Variants in CNTNAP5 observed in about 807,000 individuals in gnomAD.
The protein encoded by CNTNAP5 is contactin associated protein family member 5.
CNTNAP5 carries 72 observed loss-of-function variants against 150.2 expected under a neutral mutation model. The observed-to-expected ratio is 0.48, with a 90% CI of 0.40 to 0.58. The LOEUF (loss-of-function observed/expected upper bound fraction) is 0.58. Ranked by LOEUF, CNTNAP5 falls within the 20% of genes least tolerant of loss-of-function variation. The pLI is 0.00. For missense variants in CNTNAP5, 1,636 were observed against 1,626.2 expected, an observed-to-expected ratio of 1.01 and a Z score of -0.10; for synonymous variants, 672 against 619.8, an observed-to-expected ratio of 1.08 and a Z score of -1.25.
chr2:124,320,057 C>T (rs1436154118), intron 3 of CNTNAP5, among the ~76,000 whole-genome samples: 1 of 152,168 alleles, frequency 6.6e-6, no homozygotes, highest in African/African-American at 2.4e-5. Flanking sequence ...ATGTTACAGT[C>T]TTTTTAGCCA....
chr2:124,190,215 G>T (rs1685427239), intron 1 of CNTNAP5, among the ~76,000 whole-genome samples: 1 of 152,016 alleles, frequency 6.6e-6, no homozygotes, highest in South Asian at 2.1e-4. Context: ...TGCTTTGGTG[G>T]TCTGAATAGG....
intron 13 of CNTNAP5, among the ~76,000 whole-genome samples, chr2:124,704,080 A>G (rs2105093185): frequency 6.6e-6 from 1 of 152,334 alleles, no homozygotes; most frequent in East Asian, 1.9e-4. Flanking sequence ...GCACAAAAAC[A>G]CAGAAGGTCA....
intron 4 of CNTNAP5, among the ~76,000 whole-genome samples, chr2:124,419,663 T>C (rs1234325674): frequency 6.6e-6 from 1 of 152,178 alleles, no homozygotes; most frequent in Non-Finnish European, 1.5e-5. Flanking sequence ...AATGGGAAGT[T>C]AACAACCTTG....
chr2:124,769,439 G>T (rs1429636715), intron 16 of CNTNAP5, among the ~76,000 whole-genome samples: 3 of 151,400 alleles, frequency 2.0e-5, no homozygotes, highest in African/African-American at 7.3e-5. Flanking sequence ...GAACCATAAA[G>T]AAGTAGCTGG....
At chr2:124,634,674 A>T (rs1677935534) in intron 12 of CNTNAP5, among the ~76,000 whole-genome samples, 1 of 151,026 alleles carries the variant, frequency 6.6e-6, no homozygotes, top group Admixed American at 6.6e-5. Flanking sequence ...TGCCTGGCTA[A>T]TTTTTTTTTG....
At chr2:124,730,393 A>C (rs903447120) in intron 13 of CNTNAP5, among the ~76,000 whole-genome samples, 3 of 151,822 alleles carry the variant, frequency 2.0e-5, no homozygotes, top group African/African-American at 7.3e-5. Flanking sequence ...TTATTCATTC[A>C]ATTATTATTT....
chr2:124,765,549 T>C (rs1026797019), intron 16 of CNTNAP5, among the ~76,000 whole-genome samples: 7 of 152,178 alleles, frequency 4.6e-5, no homozygotes, highest in African/African-American at 1.7e-4. Context: ...CCTCAGAATA[T>C]AATATTTATT....
intron 8 of CNTNAP5, among the ~76,000 whole-genome samples, chr2:124,518,994 C>CAAAAAAAAAAAA (rs35578704): frequency 2.1e-5 from 1 of 48,096 alleles, no homozygotes; most frequent in Non-Finnish European, 3.8e-5. Context: ...GCCTGGGCCG[C>CAAAAAAAAAAAA]AAAAAAAAAA....
chr2:124,902,125 T>C (rs530698633), intron 21 of CNTNAP5, among the ~76,000 whole-genome samples: 2 of 152,264 alleles, frequency 1.3e-5, no homozygotes, highest in African/African-American at 2.4e-5. Flanking sequence ...GTTTGTTCAA[T>C]TGACTCTTTT....
intron 1 of CNTNAP5, among the ~76,000 whole-genome samples, chr2:124,206,400 T>A (rs1429577317): frequency 6.6e-6 from 1 of 152,190 alleles, no homozygotes; most frequent in Non-Finnish European, 1.5e-5. Flanking sequence ...GGACATTTTG[T>A]GATGCAAAGG....
chr2:124,439,505 G>A (rs538759691), intron 5 of CNTNAP5, among the ~76,000 whole-genome samples: 3 of 152,066 alleles, frequency 2.0e-5, no homozygotes, highest in Non-Finnish European at 4.4e-5. Context: ...CACAGAAGAC[G>A]GACACAAGTT....
intron 12 of CNTNAP5, among the ~76,000 whole-genome samples, chr2:124,639,036 T>C (rs1278857497): frequency 6.6e-6 from 1 of 152,234 alleles, no homozygotes; most frequent in East Asian, 1.9e-4. Flanking sequence ...CATGTGTCAC[T>C]TTCATGCTGA....
chr2:124,138,434 A>G (rs1173183664), intron 1 of CNTNAP5, among the ~76,000 whole-genome samples: 1 of 152,240 alleles, frequency 6.6e-6, no homozygotes, highest in Non-Finnish European at 1.5e-5. Flanking sequence ...CAGCATGCAG[A>G]GAAGTTAGAT....
chr2:124,165,533 C>T (rs183225589), intron 1 of CNTNAP5, among the ~76,000 whole-genome samples: 16 of 152,200 alleles, frequency 1.1e-4, no homozygotes, highest in African/African-American at 2.2e-4. Flanking sequence ...ATGCCTGGCA[C>T]GCACTTTATG....
intron 13 of CNTNAP5, among the ~76,000 whole-genome samples, chr2:124,676,924 C>T (rs1486936047): frequency 6.6e-6 from 1 of 152,114 alleles, no homozygotes; most frequent in Non-Finnish European, 1.5e-5. Context: ...TTTTTGGAGG[C>T]CCTTCCTCCA....
chr2:124,821,825 A>T (rs940921882), intron 19 of CNTNAP5, among the ~76,000 whole-genome samples: 7 of 152,148 alleles, frequency 4.6e-5, no homozygotes, highest in Non-Finnish European at 1.0e-4. Flanking sequence ...ATTTCTGGGG[A>T]TGGGGCAAAG....
chr2:124,236,262 C>T (rs1204529197), intron 2 of CNTNAP5, among the ~76,000 whole-genome samples: 1 of 152,052 alleles, frequency 6.6e-6, no homozygotes, highest in Non-Finnish European at 1.5e-5. Flanking sequence ...CAAGTTCCCA[C>T]TTTATTTTCC....
chr2:124,114,823 ATAT>A (rs1421418007), intron 1 of CNTNAP5, among the ~76,000 whole-genome samples: 5 of 151,538 alleles, frequency 3.3e-5, no homozygotes, highest in African/African-American at 1.2e-4. Flanking sequence ...ATGGATATAT[ATAT>A]TATATGTACA....
At chr2:124,320,572 G>A (rs1006996469) in intron 3 of CNTNAP5, among the ~76,000 whole-genome samples, 17 of 151,890 alleles carry the variant, frequency 1.1e-4, no homozygotes, top group East Asian at 3.9e-4. Flanking sequence ...CTAAAATTAC[G>A]CTGTATGTTG....
Sources: allele counts gnomAD v4.1 joint callset (sites outside exome capture counted in the v4.1 genomes callset), GRCh38; gene constraint gnomAD v4.1.1; transcripts MANE v1.5; gene names NCBI Gene and HGNC (gene_info 2026-07-23, HGNC 2026-07-21).